The following ATP1A4 variants were observed in gnomAD, a reference collection of about 807,000 sequenced individuals.
ATP1A4 encodes ATPase Na+/K+ transporting subunit alpha 4.
A neutral mutation model predicts 114.3 loss-of-function variants in ATP1A4; 90 were observed. The ratio of observed to expected loss-of-function variants is 0.79; its 90% CI spans 0.66 to 0.94. The LOEUF (loss-of-function observed/expected upper bound fraction) is 0.94, where lower values mean the gene tolerates loss of function less well. Among genes scored for constraint, ATP1A4 ranks in the 40% least tolerant of loss-of-function variants. The pLI is 0.00. For synonymous variants in ATP1A4, 511 were observed against 494.1 expected, an observed-to-expected ratio of 1.03 and a Z score of -0.45; for missense variants, 1,222 against 1,313.6, an observed-to-expected ratio of 0.93 and a Z score of 1.08.
chr1:160,173,707 G>A lies in ATP1A4; in HGVS notation c.1981G>A (p.Val661Ile). ...AARLKIPISK[V>I]DASAAKAIVV... ...CCGGCTTAAGATCCCTATCAGCAAG[G>A]TCGATGCCAGGTGAGATCACTAAAG... Residue 661 changes from valine (V) to isoleucine (I), a missense_variant, in exon 13 of 22, where the codon GTC becomes ATC. Val to Ile is a conservative substitution (Grantham distance 29). Coordinates refer to ENST00000368081, the MANE Select transcript of ATP1A4 (RefSeq NM_144699.4). The A allele has an allele frequency of 6.2e-7, 1 of 1,614,102 alleles. No homozygotes were observed. Among genetic ancestry groups the A allele is most frequent in the Non-Finnish European group, 8.5e-7 (1 of 1,180,004 alleles).
At position 160,176,073 on chromosome 1, in the gene ATP1A4, G is replaced by T. The variant is rs1653451887; in HGVS notation, c.2312-19G>T. On this transcript the variant is annotated intron_variant, in intron 15 of 21. Coordinates refer to ENST00000368081, the MANE Select transcript of ATP1A4 (RefSeq NM_144699.4). ...TGTTCTCCCAGGGCTTCTCACAGGA[G>T]GTTGACCTTCCTCCCCAGGCCGCCT... 1 of 1,613,968 alleles carries T rather than the reference G, an allele frequency of 6.2e-7. No individual in the cohort carries two copies. The highest frequency in any genetic ancestry group is 1.1e-5 in the South Asian group (1 of 91,058).
At chr1:160,158,370 G>A (rs1035099158) in intron 4 of ATP1A4, among the ~76,000 whole-genome samples, 2 of 152,082 alleles carry the variant, frequency 1.3e-5, no homozygotes, top group South Asian at 4.1e-4. Context: ...GCCCCAGCAT[G>A]AAAGCACTTT....
At chr1:160,172,898 A>G (rs776563903) in intron 12 of ATP1A4, among the ~76,000 whole-genome samples, 20 of 152,168 alleles carry the variant, frequency 1.3e-4, no homozygotes, top group Non-Finnish European at 2.5e-4. Context: ...ATGGCTTACT[A>G]TGTGCTAGGC....
Position 160,176,554 on chromosome 1 carries a change from G to A in ATP1A4, c.2542G>A (p.Asp848Asn), listed in dbSNP as rs2101650291. 1 of 1,614,162 alleles carries A rather than the reference G, an allele frequency of 6.2e-7. No individual in the cohort carries two copies. The highest frequency in any genetic ancestry group is 8.5e-7 in the Non-Finnish European group (1 of 1,180,032). The change falls in exon 17 of 22, where the codon GAT (aspartate) becomes AAT (asparagine). Residue 848 changes from aspartate to asparagine, a missense_variant. By Grantham distance (23) the Asp-to-Asn change is conservative. Transcript: ENST00000368081. The part of the protein sequence containing the change: ...MKRLPRNPKT[D>N]NLVNHRLIGM... ...GAGGCTTCCAAGGAACCCAAAGACG[G>A]ATAATCTGGTGAACCACCGTCTCAT...
intron 10 of ATP1A4, among the ~76,000 whole-genome samples, chr1:160,168,904 C>T (rs1056356136): frequency 1.3e-5 from 2 of 152,160 alleles, no homozygotes; most frequent in Non-Finnish European, 2.9e-5. Context: ...GGGCCTTTGA[C>T]GGCAGCATAG....
intron 18 of ATP1A4, among the ~76,000 whole-genome samples, chr1:160,180,090 A>G (rs1653626229): frequency 1.3e-5 from 2 of 152,330 alleles, no homozygotes; most frequent in South Asian, 2.1e-4. Context: ...GGACAATTCA[A>G]TCTCCAAAAA....
chr1:160,174,729 G>A lies in ATP1A4; in HGVS notation c.2293G>A (p.Val765Ile), dbSNP rs148265962. ...ILLDDNFASI[V>I]TGVEEGRLIF... Reference sequence around the variant, plus strand: ...GCTGGATGACAACTTTGCCTCCATCGTCACGGGGGTGGAGGAGGGTGAGGA... The same window carrying A: ...GCTGGATGACAACTTTGCCTCCATCATCACGGGGGTGGAGGAGGGTGAGGA... Residue 765 changes from valine (V) to isoleucine (I), a missense_variant, in exon 15 of 22, where the codon GTC (valine) becomes ATC (isoleucine). Transcript: ENST00000368081. 2.4e-5 allele frequency: 38 copies of A among 1,614,012 alleles called. No homozygotes were observed. The highest frequency in any genetic ancestry group is 8.8e-5 in the South Asian group (8 of 91,072).
chr1:160,152,242 CT>C, intron 1 of ATP1A4, 55 bp downstream of exon 1: 1 of 1,571,542 alleles, frequency 6.4e-7, no homozygotes, highest in Non-Finnish European at 8.6e-7. Flanking sequence ...ACTCCTCCAC[CT>C]ATCTTTAACA....
intron 18 of ATP1A4, among the ~76,000 whole-genome samples, chr1:160,180,017 GACA>G (rs1056149510): frequency 2.0e-5 from 3 of 152,162 alleles, no homozygotes; most frequent in Non-Finnish European, 4.4e-5. Context: ...GGGAGTACAG[GACA>G]ACATCATTGG....
intron 4 of ATP1A4, 78 bp downstream of exon 4, chr1:160,156,236 A>C (rs562966396): frequency 1.0e-6 from 1 of 992,774 alleles, no homozygotes; most frequent in African/African-American, 1.6e-5. Context: ...TCCCGTGGAA[A>C]ATTATATCCT....
At position 160,181,807 on chromosome 1, in the gene ATP1A4, G is replaced by A; in HGVS notation, c.2860G>A (p.Gly954Ser). 6.2e-7 allele frequency: 1 copy of A among 1,604,468 alleles called. No homozygotes were observed. Among genetic ancestry groups the A allele is most frequent in the Non-Finnish European group, 8.5e-7 (1 of 1,177,828 alleles). ...TCGCCGCAACTCACTTTTCCAGCAG[G>A]GCATGAGGTGAACATCTCACAAAAC... The part of the protein sequence containing the change: ...KTRRNSLFQQ[G>S]MRNKVLIFGI... Residue 954 changes from glycine (G) to serine (S), a missense_variant, in exon 19 of 22, where the codon GGC becomes AGC. Coordinates refer to ENST00000368081, the MANE Select transcript of ATP1A4 (RefSeq NM_144699.4).
intron 10 of ATP1A4, chr1:160,170,257 C>T (rs1653197020): frequency 6.6e-6 from 1 of 152,126 alleles, no homozygotes; most frequent in African/African-American, 2.4e-5. Context: ...AAACCCCCGT[C>T]TCTGCTAAAA....
intron 18 of ATP1A4, 133 bp downstream of exon 18, chr1:160,177,797 C>T (rs1653534711): frequency 1.1e-6 from 1 of 936,576 alleles, no homozygotes; most frequent in Non-Finnish European, 1.6e-6. Context: ...TTTCTTCAGT[C>T]CTGTATGAGC....
chr1:160,173,444 C>T (rs1653337337), intron 12 of ATP1A4, 137 bp from the exon 13 acceptor site: 2 of 1,269,500 alleles, frequency 1.6e-6, no homozygotes. Flanking sequence ...TTTTGGTCTA[C>T]ACCACAAGTT....
intron 2 of ATP1A4, among the ~76,000 whole-genome samples, chr1:160,154,095 G>T (rs1268350708): frequency 6.6e-6 from 1 of 152,104 alleles, no homozygotes; most frequent in African/African-American, 2.4e-5. Flanking sequence ...TATGGGCCAG[G>T]TGCCGTGGCT....
At chr1:160,159,566 G>C (rs1030023308) in intron 6 of ATP1A4, 40 bp downstream of exon 6, 1 of 1,535,084 alleles carries the variant, frequency 6.5e-7, no homozygotes, top group Admixed American at 1.9e-5. Flanking sequence ...TCAAAAGCAG[G>C]CACCAAAACA....
chr1:160,179,456 T>C (rs755696009), intron 18 of ATP1A4, among the ~76,000 whole-genome samples: 2 of 152,236 alleles, frequency 1.3e-5, no homozygotes, highest in Admixed American at 6.5e-5. Context: ...ATTGAAGACA[T>C]CTTGAAGTGT....
intron 4 of ATP1A4, among the ~76,000 whole-genome samples, chr1:160,158,218 T>C (rs1239349917): frequency 1.3e-5 from 2 of 152,184 alleles, no homozygotes; most frequent in African/African-American, 2.4e-5. Context: ...TGGTCTTAGA[T>C]GACCTCATCC....
chr1:160,159,604 G>C, intron 6 of ATP1A4, 78 bp downstream of exon 6: 1 of 1,293,988 alleles, frequency 7.7e-7, no homozygotes, highest in Non-Finnish European at 1.1e-6. Flanking sequence ...GTCTTCTAAA[G>C]GTAGCGAGGT....
Sources: allele counts gnomAD v4.1 joint callset (sites outside exome capture counted in the v4.1 genomes callset), GRCh38; gene constraint gnomAD v4.1.1; transcripts MANE v1.5; gene names NCBI Gene and HGNC (gene_info 2026-07-23, HGNC 2026-07-21).